Variants in ZNF239 observed in about 807,000 individuals in gnomAD.
ZNF239 encodes the protein zinc finger protein 239, also known as zinc finger protein (C2H2) homologous to mouse MOK-2.
In ZNF239, 16 loss-of-function variants were observed where a neutral mutation model predicts 27.5. The observed-to-expected ratio is 0.58, with a 90% CI of 0.39 to 0.88. The LOEUF (loss-of-function observed/expected upper bound fraction) is 0.88. Among genes scored for constraint, ZNF239 ranks in the 40% least tolerant of loss-of-function variants. The pLI is 0.00. For missense variants in ZNF239, 527 were observed against 551.9 expected, an observed-to-expected ratio of 0.95 and a Z score of 0.45; for synonymous variants, 199 against 192.6, an observed-to-expected ratio of 1.03 and a Z score of -0.27.
chr10:43,557,945 G>C lies in ZNF239; in HGVS notation c.135C>G (p.Asp45Glu). The change falls in exon 4 of 4, where the codon GAC (aspartate) becomes GAG (glutamate). Residue 45 changes from aspartate to glutamate, a missense_variant. Coordinates refer to ENST00000374446, the MANE Select transcript of ZNF239 (RefSeq NM_001099282.2). ...EASSPISRNRDSVMTLQSGCF... is the reference protein window; with the variant it reads ...EASSPISRNRESVMTLQSGCF... The stretch of plus-strand genomic sequence containing the variant: ...AACCACTTTGAAGAGTCATCACACT[G>C]TCCCTGTTTCTGGAAATAGGAGAAG... 6.2e-7 allele frequency: 1 copy of C among 1,614,116 alleles called. No homozygotes were observed. The highest frequency in any genetic ancestry group is 8.5e-7 in the Non-Finnish European group (1 of 1,180,014).
chr10:43,557,314 C>A lies in ZNF239; in HGVS notation c.766G>T (p.Val256Phe), dbSNP rs765074019. 26 of 1,614,082 alleles carry A rather than the reference C, an allele frequency of 1.6e-5. No individual in the cohort carries two copies. Among genetic ancestry groups the A allele is most frequent in the Non-Finnish European group, 2.2e-5 (26 of 1,179,988 alleles). ...RSSSLLIHQA[V>F]HTDEKPYKCD... Reference sequence around the variant, plus strand: ...TTATAAGGCTTCTCATCTGTGTGGACTGCCTGATGGATAAGCAGACTCGAG... The same window carrying A: ...TTATAAGGCTTCTCATCTGTGTGGAATGCCTGATGGATAAGCAGACTCGAG... The change falls in exon 4 of 4, where the codon GTC becomes TTC. Residue 256 changes from valine to phenylalanine, a missense_variant. Coordinates refer to ENST00000374446, the MANE Select transcript of ZNF239 (RefSeq NM_001099282.2).
rs529768206 is a variant in ZNF239 at position 43,557,721 on chromosome 10, A to G, written c.359T>C (p.Leu120Pro). Reference sequence around the variant, plus strand: ...GGCCAGTTCTTGTCCATCAGACACCAGTTTAACTTGAAGGTTCTCTGAACA... The same window carrying G: ...GGCCAGTTCTTGTCCATCAGACACCGGTTTAACTTGAAGGTTCTCTGAACA... ...ESCSENLQVK[L>P]VSDGQELASP... The change falls in exon 4 of 4, where the codon CTG (leucine) becomes CCG (proline). Residue 120 changes from leucine (L) to proline (P), a missense_variant. Leu to Pro is a moderately conservative substitution (Grantham distance 98). Coordinates refer to ENST00000374446, the MANE Select transcript of ZNF239 (RefSeq NM_001099282.2). The G allele has an allele frequency of 1.2e-6, 2 of 1,614,118 alleles. No homozygotes were observed. The highest frequency in any genetic ancestry group is 2.2e-5 in the East Asian group (1 of 44,882).
rs1331550694 is a variant in ZNF239 at position 43,562,430 on chromosome 10, TC to T, written c.-92-4260del. 5.3e-5 allele frequency among the ~76,000 whole-genome samples: 8 copies of T among 152,362 alleles called. No homozygotes were observed. The East Asian group carries it at 5.8e-4, about 11-fold the overall frequency. On this transcript the variant is annotated intron_variant, in intron 3 of 3. Transcript: ENST00000374446. ...TGAAATGACATTTACATGAGACAGC[TC>T]ACTTTTTAGAGGCCAATGACCAGAA...
chr10:43,557,056 T>C lies in ZNF239; in HGVS notation c.1024A>G (p.Thr342Ala). 6.2e-7 allele frequency: 1 copy of C among 1,614,042 alleles called. No homozygotes were observed. ...CCACACTTGTAGGGCCTCTCTCCTGTGTGTACTCGCTGGTGGATGTGCAGG... is the reference window on the plus strand; with the variant it reads ...CCACACTTGTAGGGCCTCTCTCCTGCGTGTACTCGCTGGTGGATGTGCAGG... ...SNLHIHQRVHTGERPYKCGEC... is the reference protein window; with the variant it reads ...SNLHIHQRVHAGERPYKCGEC... Residue 342 changes from threonine (T) to alanine (A), a missense_variant, in exon 4 of 4, where the codon ACA becomes GCA. Physicochemically the swap from Thr to Ala is moderately conservative, Grantham distance 58. Transcript: ENST00000374446.
chr10:43,567,370 A>T (rs1837740744), intron 3 of ZNF239, among the ~76,000 whole-genome samples: 1 of 152,202 alleles, frequency 6.6e-6, no homozygotes, highest in South Asian at 2.1e-4. Context: ...GGGGAAAGGC[A>T]GGAGTACAGA....
chr10:43,558,432 A>T (rs1836968608), intron 3 of ZNF239, among the ~76,000 whole-genome samples: 1 of 152,124 alleles, frequency 6.6e-6, no homozygotes. Context: ...TGCTAACAAT[A>T]ACATTTCATC....
intron 2 of ZNF239, among the ~76,000 whole-genome samples, chr10:43,572,656 C>T (rs1309199912): frequency 1.3e-5 from 2 of 152,174 alleles, no homozygotes; most frequent in African/African-American, 2.4e-5. Context: ...TTAGAGCTCT[C>T]CACCATAAAA....
chr10:43,557,238 T>A lies in ZNF239; in HGVS notation c.842A>T (p.His281Leu), dbSNP rs373243737. The A allele has an allele frequency of 1.9e-6, 3 of 1,614,146 alleles. No individual in the cohort carries two copies. The highest frequency in any genetic ancestry group is 2.5e-6 in the Non-Finnish European group (3 of 1,180,016). Reference protein sequence around the residue: ...GFTRSSSLLIHHAVHTGEKPY... With the variant: ...GFTRSSSLLILHAVHTGEKPY... ...TTTTTCGCCTGTATGGACGGCATGA[T>A]GGATGAGCAGACTTGAGCTCCTGGT... The change falls in exon 4 of 4, where the codon CAT becomes CTT. Residue 281 changes from histidine (H) to leucine (L), a missense_variant. Physicochemically the swap from His to Leu is moderately conservative, Grantham distance 99. Coordinates refer to ENST00000374446, the MANE Select transcript of ZNF239 (RefSeq NM_001099282.2).
Position 43,556,790 on chromosome 10 carries a change from G to C in ZNF239, c.1290C>G (p.Pro430=), listed in dbSNP as rs777356929. 1.2e-6 allele frequency: 2 copies of C among 1,611,906 alleles called. No individual in the cohort carries two copies. The highest frequency in any genetic ancestry group is 1.7e-6 in the Non-Finnish European group (2 of 1,179,356). Residue 430 remains proline (P), a synonymous_variant, in exon 4 of 4, where the codon CCC becomes CCG. Transcript: ENST00000374446. ...CCTTCCCACACTTGCTGCACTCATAGGGCTTCTCTCCAGTATGTACTCTCT... is the reference window on the plus strand; with the variant it reads ...CCTTCCCACACTTGCTGCACTCATACGGCTTCTCTCCAGTATGTACTCTCT... The part of the protein sequence containing the change: ...IHQRVHTGEK[P]YECSKCGKGF...
At chr10:43,566,365 C>T (rs1161749894) in intron 3 of ZNF239, among the ~76,000 whole-genome samples, 2 of 151,950 alleles carry the variant, frequency 1.3e-5, no homozygotes, top group East Asian at 1.9e-4. Context: ...CGGCTCACTG[C>T]AACTCTGCCT....
intron 3 of ZNF239, among the ~76,000 whole-genome samples, chr10:43,560,849 A>G (rs1001300195): frequency 6.6e-6 from 1 of 152,108 alleles, no homozygotes; most frequent in African/African-American, 2.4e-5. Context: ...AGACCAACAG[A>G]ATTTAAAAGG....
At chr10:43,574,344 G>C (rs60403966) in intron 1 of ZNF239, among the ~76,000 whole-genome samples, 196 bp downstream of exon 1, 1 of 152,268 alleles carries the variant, frequency 6.6e-6, no homozygotes, top group East Asian at 1.9e-4. Flanking sequence ...GCCCGGCCCC[G>C]GGGGCGCAGC....
intron 2 of ZNF239, among the ~76,000 whole-genome samples, chr10:43,569,919 C>T (rs923712739): frequency 6.6e-6 from 1 of 152,160 alleles, no homozygotes; most frequent in Non-Finnish European, 1.5e-5. Context: ...TGAAGCAATG[C>T]TTCTTAAACT....
Position 43,557,535 on chromosome 10 carries a change from T to C in ZNF239, c.545A>G (p.Asn182Ser). Residue 182 changes from asparagine (N) to serine (S), a missense_variant, in exon 4 of 4, where the codon AAT (asparagine) becomes AGT (serine). Transcript: ENST00000374446. ...AHTEEKPCDH[N>S]NCGKILNTSP... ...GGTGTTAAGTATTTTCCCACAGTTATTATGGTCACAGGGTTTCTCCTCTGT... is the reference window on the plus strand; with the variant it reads ...GGTGTTAAGTATTTTCCCACAGTTACTATGGTCACAGGGTTTCTCCTCTGT... 1.9e-6 allele frequency: 3 copies of C among 1,614,188 alleles called. No individual in the cohort carries two copies. Among genetic ancestry groups the C allele is most frequent in the Middle Eastern group, 3.3e-4 (2 of 6,062 alleles).
At chr10:43,565,915 A>T (rs1837617009) in intron 3 of ZNF239, among the ~76,000 whole-genome samples, 3 of 151,334 alleles carry the variant, frequency 2.0e-5, no homozygotes, top group Non-Finnish European at 4.4e-5. Context: ...AAAAACTATG[A>T]TTTCATGCAT....
rs183108134 is a variant in ZNF239, at chr10:43,567,982, C to T, written c.-176G>A. ...GAGTCCAGGTGACCTCACTCCTCCT[C>T]GGTGAAGGCCACAGAGGCATCCTTG... On this transcript the variant is annotated 5_prime_UTR_variant, in exon 3 of 4. Coordinates refer to ENST00000374446, the MANE Select transcript of ZNF239 (RefSeq NM_001099282.2). 1.1e-5 allele frequency: 11 copies of T among 985,868 alleles called. No homozygotes were observed. The highest frequency in any genetic ancestry group is 2.3e-4 in the East Asian group (2 of 8,830). The allele number at this position is 985,868 out of a possible 1,614,324, so 61.1% of individuals were successfully genotyped here. A position where few individuals can be genotyped will look rare whatever the true frequency, so the allele number is the denominator to read the frequency against.
intron 2 of ZNF239, chr10:43,571,075 G>T (rs1342954570): frequency 1.1e-6 from 1 of 932,684 alleles, no homozygotes; most frequent in Non-Finnish European, 1.3e-6. Context: ...GCACTAAGGA[G>T]TCACTCCAAG....
At chr10:43,568,474 C>A (rs1056783883) in intron 2 of ZNF239, 1 of 984,650 alleles carries the variant, frequency 1.0e-6, no homozygotes, top group African/African-American at 1.7e-5. Context: ...CTACCTGGAC[C>A]CCTCTACTCT....
chr10:43,568,788 G>A (rs937484851), intron 2 of ZNF239, among the ~76,000 whole-genome samples: 8 of 152,200 alleles, frequency 5.3e-5, no homozygotes, highest in Middle Eastern at 3.4e-3. Flanking sequence ...GATGGCTCAC[G>A]GCTGTAATCC....
Sources: gnomAD v4.1 joint callset for allele counts (sites outside exome capture counted in the v4.1 genomes callset) on GRCh38, gnomAD v4.1.1 for gene constraint, MANE v1.5 for transcripts, NCBI Gene and HGNC (gene_info 2026-07-23, HGNC 2026-07-21) for gene names.